The following TUBGCP3 variants were observed in gnomAD, a reference collection of about 807,000 sequenced individuals.
TUBGCP3 encodes the protein gamma-tubulin complex component 3.
In TUBGCP3, 50 loss-of-function variants were observed where a neutral mutation model predicts 123.1. The observed-to-expected ratio is 0.41, with a 90% CI of 0.32 to 0.51. The LOEUF (loss-of-function observed/expected upper bound fraction) is 0.51, where lower values mean the gene tolerates loss of function less well. Among genes scored for constraint, TUBGCP3 ranks in the 20% least tolerant of loss-of-function variants. The pLI, the probability that TUBGCP3 is intolerant of heterozygous loss-of-function variation, is 0.36. For missense variants in TUBGCP3, 882 were observed against 1,127.0 expected, an observed-to-expected ratio of 0.78 and a Z score of 3.11; for synonymous variants, 405 against 413.9, an observed-to-expected ratio of 0.98 and a Z score of 0.26.
intron 11 of TUBGCP3, among the ~76,000 whole-genome samples, chr13:112,534,282 C>G (rs1877844513): frequency 6.6e-6 from 1 of 152,174 alleles, no homozygotes; most frequent in Admixed American, 6.5e-5. Context: ...CGCGGCGGCT[C>G]ACGCCTGTAA....
At chr13:112,486,295 G>T in intron 21 of TUBGCP3, 144 bp from the exon 22 acceptor site, 1 of 1,023,612 alleles carries the variant, frequency 9.8e-7, no homozygotes, top group Non-Finnish European at 1.4e-6. Context: ...CAGGGCAGGT[G>T]TCCAGGGAGC....
intron 13 of TUBGCP3, among the ~76,000 whole-genome samples, chr13:112,526,534 C>A (rs565059433): frequency 1.3e-5 from 2 of 151,194 alleles, no homozygotes; most frequent in South Asian, 2.1e-4. Context: ...ACCACCATGC[C>A]ATCATCACCA....
intron 5 of TUBGCP3, among the ~76,000 whole-genome samples, chr13:112,556,511 A>G (rs1880059647): frequency 6.6e-6 from 1 of 152,190 alleles, no homozygotes; most frequent in African/African-American, 2.4e-5. Flanking sequence ...TACCATTAAT[A>G]TCAAAATCTA....
chr13:112,501,387 C>T (rs570145427), intron 19 of TUBGCP3, among the ~76,000 whole-genome samples: 2 of 152,368 alleles, frequency 1.3e-5, no homozygotes, highest in South Asian at 4.1e-4. Context: ...TGACTTCAAG[C>T]TCAGGCTGCC....
chr13:112,593,942 G>C, the TUBGCP3 span, among the ~76,000 whole-genome samples: 1 of 152,040 alleles, frequency 6.6e-6, no homozygotes, highest in African/African-American at 2.4e-5. Context: ...TAGATAAAAT[G>C]GACAAATTCC....
chr13:112,565,173 G>C lies in TUBGCP3; in HGVS notation c.190C>G (p.Arg64Gly), dbSNP rs762243065. Residue 64 changes from arginine (R) to glycine (G), a missense_variant, in exon 3 of 22, where the codon CGA (arginine) becomes GGA (glycine). Transcript: ENST00000261965. The stretch of plus-strand genomic sequence containing the variant: ...GCAGCATCTGCTTCTCTTCGTTGTC[G>C]AATAACTGAAAAGACAGAAAAAAAA... ...VAEKIKKELI[R>G]QRREADAALF... is the part of the protein sequence containing the mutation. 6.2e-7 allele frequency: 1 copy of C among 1,611,880 alleles called. No homozygotes were observed. The highest frequency in any genetic ancestry group is 8.5e-7 in the Non-Finnish European group (1 of 1,179,680).
chr13:112,496,422 C>A (rs1002473214), intron 20 of TUBGCP3, among the ~76,000 whole-genome samples: 5 of 152,206 alleles, frequency 3.3e-5, no homozygotes, highest in Admixed American at 6.5e-5. Context: ...TTCCAGGAGG[C>A]GACTTGCATG....
chr13:112,580,697 A>C (rs1194991611), intron 1 of TUBGCP3, among the ~76,000 whole-genome samples: 2 of 152,244 alleles, frequency 1.3e-5, no homozygotes, highest in Non-Finnish European at 2.9e-5. Context: ...ACTTCTCATC[A>C]ATAATGAAAG....
chr13:112,507,833 G>C (rs570392670), intron 17 of TUBGCP3, among the ~76,000 whole-genome samples: 4 of 152,288 alleles, frequency 2.6e-5, no homozygotes, highest in African/African-American at 9.6e-5. Flanking sequence ...TCTGAAAGTA[G>C]ATACACAGTG....
At chr13:112,507,254 C>A (rs1197430407) in intron 17 of TUBGCP3, among the ~76,000 whole-genome samples, 1 of 152,182 alleles carries the variant, frequency 6.6e-6, no homozygotes, top group African/African-American at 2.4e-5. Flanking sequence ...ATGTCTCCAT[C>A]GACCCTTCCC....
chr13:112,496,445 C>T (rs1489147606), intron 20 of TUBGCP3, among the ~76,000 whole-genome samples: 1 of 152,216 alleles, frequency 6.6e-6, no homozygotes, highest in Non-Finnish European at 1.5e-5. Flanking sequence ...CTCTTCAGAA[C>T]TTTCAGGGGA....
intron 8 of TUBGCP3, among the ~76,000 whole-genome samples, chr13:112,549,366 G>T (rs1487452927): frequency 6.6e-6 from 1 of 152,012 alleles, no homozygotes; most frequent in African/African-American, 2.4e-5. Flanking sequence ...GATGGCATTA[G>T]GAGATTTACC....
Position 112,554,065 on chromosome 13 carries a change from C to G in TUBGCP3, c.958G>C (p.Val320Leu). The G allele has an allele frequency of 6.2e-7, 1 of 1,612,550 alleles. No individual in the cohort carries two copies. The highest frequency in any genetic ancestry group is 8.5e-7 in the Non-Finnish European group (1 of 1,179,624). Residue 320 changes from valine (V) to leucine (L), a missense_variant, in exon 8 of 22, where the codon GTC becomes CTC. Val to Leu is a conservative substitution (Grantham distance 32). Around this residue, in one of 3 missense-constraint regions of TUBGCP3, gnomAD observed 713 missense variants for 874.0 expected, o/e 0.82. Transcript: ENST00000261965. ...AGGAACCATGAACGCACCTGCCCGACGAGTCCGAATGAGCGGTCCAGGCTC... is the reference window on the plus strand; with the variant it reads ...AGGAACCATGAACGCACCTGCCCGAGGAGTCCGAATGAGCGGTCCAGGCTC... Reference protein sequence around the residue: ...QRSLDRSFGLVGQSFCAALHQ... With the variant: ...QRSLDRSFGLLGQSFCAALHQ...
chr13:112,547,827 G>A, intron 9 of TUBGCP3, 75 bp from the exon 10 acceptor site: 1 of 1,343,050 alleles, frequency 7.4e-7, no homozygotes, highest in South Asian at 2.1e-5. Context: ...TATATCAAGT[G>A]AACATAAGAA....
intron 14 of TUBGCP3, 104 bp from the exon 15 acceptor site, chr13:112,520,125 C>T (rs1158218663): frequency 8.7e-7 from 1 of 1,154,646 alleles, no homozygotes; most frequent in African/African-American, 1.6e-5. Flanking sequence ...TATAAAAACT[C>T]AAAAGACAAA....
At chr13:112,527,547 G>A in intron 11 of TUBGCP3, 63 bp from the exon 12 acceptor site, 1 of 1,124,962 alleles carries the variant, frequency 8.9e-7, no homozygotes, top group Non-Finnish European at 1.3e-6. Context: ...TTAACCAACA[G>A]CAACATCAAA....
At chr13:112,510,586 G>A (rs962319692) in intron 17 of TUBGCP3, among the ~76,000 whole-genome samples, 2 of 152,084 alleles carry the variant, frequency 1.3e-5, no homozygotes, top group African/African-American at 2.4e-5. Flanking sequence ...AAGTAATCAC[G>A]GCAACAGTGA....
At chr13:112,498,036 A>C (rs569470456) in intron 20 of TUBGCP3, among the ~76,000 whole-genome samples, 1 of 152,304 alleles carries the variant, frequency 6.6e-6, no homozygotes, top group South Asian at 2.1e-4. Flanking sequence ...ACATGTACAC[A>C]CACACACACA....
chr13:112,523,186 AC>A (rs1414449559), intron 13 of TUBGCP3, among the ~76,000 whole-genome samples: 1 of 152,218 alleles, frequency 6.6e-6, no homozygotes, highest in Non-Finnish European at 1.5e-5. Context: ...ATTTCATTAA[AC>A]CCACAATAAT....
Sources: gnomAD v4.1 joint callset for allele counts (sites outside exome capture counted in the v4.1 genomes callset) on GRCh38, gnomAD v4.1.1 for gene constraint, gnomAD v4.1.1 regional missense constraint, MANE v1.5 for transcripts, NCBI Gene and HGNC (gene_info 2026-07-23, HGNC 2026-07-21) for gene names.